The following LIMD1 variants were observed in gnomAD, a reference collection of about 807,000 sequenced individuals.
The protein encoded by LIMD1 is LIM domain-containing protein 1.
In LIMD1, 23 loss-of-function variants were observed where a neutral mutation model predicts 58.4. The ratio of observed to expected loss-of-function variants is 0.39; its 90% CI spans 0.28 to 0.56. The LOEUF is 0.56. LIMD1 is among the 20% of genes least tolerant of loss of function. The pLI is 0.57. For synonymous variants in LIMD1, 334 were observed against 345.5 expected (o/e 0.97, Z 0.37); for missense variants, 838 against 855.5 (o/e 0.98, Z 0.25).
At position 45,677,135 on chromosome 3, in the gene LIMD1, G is replaced by T. The variant is rs1034436709; in HGVS notation, c.*76G>T. ...GCTGCTGCTTCCGGTGGCCCCTGGG[G>T]TGGAAGTGGGGTAGGGGAAGAGGAG... On this transcript the variant is annotated 3_prime_UTR_variant, in exon 8 of 8. Transcript: ENST00000273317. The T allele has an allele frequency of 1.3e-6, 2 of 1,542,966 alleles. No individual in the cohort carries two copies. Among genetic ancestry groups the T allele is most frequent in the African/African-American group, 1.4e-5 (1 of 73,750 alleles).
intron 1 of LIMD1, among the ~76,000 whole-genome samples, chr3:45,624,847 C>T (rs534145430): frequency 6.6e-6 from 1 of 151,864 alleles, no homozygotes; most frequent in African/African-American, 2.4e-5. Context: ...TGTCTTCTAG[C>T]CAACTGTCTT....
chr3:45,602,284 C>A (rs1701422997), intron 1 of LIMD1, among the ~76,000 whole-genome samples: 1 of 152,078 alleles, frequency 6.6e-6, no homozygotes, highest in Admixed American at 6.5e-5. Flanking sequence ...GACCTGAAGC[C>A]CCTGTGCTCA....
chr3:45,596,274 G>A lies in LIMD1; in HGVS notation c.1395G>A (p.Lys465=). 6.2e-7 allele frequency: 1 copy of A among 1,602,238 alleles called. No homozygotes were observed. The highest frequency in any genetic ancestry group is 8.5e-7 in the Non-Finnish European group (1 of 1,174,678). The change falls in exon 1 of 8, where the codon AAG becomes AAA. Residue 465 remains lysine (K), a synonymous_variant. Coordinates refer to ENST00000273317, the MANE Select transcript of LIMD1 (RefSeq NM_014240.3). The part of the protein sequence containing the change: ...RLEREMDAHP[K]ADYFGACVKC... ...AGCGAGAGATGGATGCTCACCCGAA[G>A]GCTGATTACTTTGGTGAGTGAGAGG...
intron 2 of LIMD1, among the ~76,000 whole-genome samples, chr3:45,649,542 A>G (rs764702020): frequency 1.6e-4 from 24 of 151,102 alleles, no homozygotes; most frequent in Non-Finnish European, 2.1e-4. Flanking sequence ...TTAGCCGGGC[A>G]TGGTGGCGGG....
intron 2 of LIMD1, among the ~76,000 whole-genome samples, chr3:45,656,407 T>G (rs1318430175): frequency 1.3e-5 from 2 of 152,044 alleles, no homozygotes; most frequent in Non-Finnish European, 2.9e-5. Flanking sequence ...CTATTTAACT[T>G]TTAGCTACAT....
rs577352855 is a variant in LIMD1 at position 45,654,156 on chromosome 3, C to T, written c.1511-11494C>T. Reference sequence around the variant, plus strand: ...TGGCTAGTAGCCACCATGGACAGTACAGGTAGAAGTCACTAACTGGGACAG... The same window carrying T: ...TGGCTAGTAGCCACCATGGACAGTATAGGTAGAAGTCACTAACTGGGACAG... On this transcript the variant is annotated intron_variant, in intron 2 of 7. Transcript: ENST00000273317. 1.4e-4 allele frequency among the ~76,000 whole-genome samples: 22 copies of T among 152,254 alleles called. 1 individual carries two copies. In the South Asian group the frequency reaches 4.4e-3, roughly 30 times the overall value.
chr3:45,655,070 C>A (rs190063254), intron 2 of LIMD1, among the ~76,000 whole-genome samples: 1 of 152,040 alleles, frequency 6.6e-6, no homozygotes, highest in African/African-American at 2.4e-5. Context: ...CAGGCTCACG[C>A]CACCAGGCCT....
At chr3:45,641,148 A>G (rs1055567630) in intron 2 of LIMD1, among the ~76,000 whole-genome samples, 2 of 152,150 alleles carry the variant, frequency 1.3e-5, no homozygotes, top group African/African-American at 4.8e-5. Flanking sequence ...GGGTGCATCT[A>G]GGGCATCCCC....
rs542189191 is a variant in LIMD1, at chr3:45,637,883, A to G, written c.1510+1632A>G. The stretch of plus-strand genomic sequence containing the variant: ...AGAGTTTATGGTTTACACATTGATC[A>G]GTGTTCACCTGTGTAGGGAAAGACT... On this transcript the variant is annotated intron_variant, in intron 2 of 7. Coordinates refer to ENST00000273317, the MANE Select transcript of LIMD1 (RefSeq NM_014240.3). Among the ~76,000 whole-genome samples the G allele has an allele frequency of 8.5e-5, 13 of 152,332 alleles. No homozygotes were observed. The South Asian group carries it at 2.7e-3, about 32-fold the overall frequency.
chr3:45,663,868 ATTTTT>A (rs553757543), intron 2 of LIMD1, among the ~76,000 whole-genome samples: 1 of 102,894 alleles, frequency 9.7e-6, no homozygotes, highest in African/African-American at 4.3e-5. Context: ...TGCCTGGCTA[ATTTTT>A]TTTTTTTTTT....
chr3:45,654,674 C>T (rs1348874956), intron 2 of LIMD1, among the ~76,000 whole-genome samples: 1 of 151,686 alleles, frequency 6.6e-6, no homozygotes. Flanking sequence ...ACTAAAAATA[C>T]ACACAAAAAA....
At chr3:45,603,744 C>T (rs1037222533) in intron 1 of LIMD1, among the ~76,000 whole-genome samples, 1 of 152,066 alleles carries the variant, frequency 6.6e-6, no homozygotes, top group Non-Finnish European at 1.5e-5. Flanking sequence ...TTCAAGTGAT[C>T]TCCCACCTCA....
chr3:45,659,503 C>G (rs1399981924), intron 2 of LIMD1, among the ~76,000 whole-genome samples: 1 of 152,046 alleles, frequency 6.6e-6, no homozygotes, highest in Non-Finnish European at 1.5e-5. Context: ...TGGGAGGATT[C>G]CTTGAGCCTG....
intron 2 of LIMD1, among the ~76,000 whole-genome samples, chr3:45,657,524 CAAAA>C (rs71617901): frequency 1.5e-4 from 15 of 99,600 alleles, no homozygotes; most frequent in Admixed American, 2.1e-4. Context: ...GACGCTGTCT[CAAAA>C]AAAAAAAAAA....
At chr3:45,628,669 A>G (rs2125656163) in intron 1 of LIMD1, among the ~76,000 whole-genome samples, 1 of 152,348 alleles carries the variant, frequency 6.6e-6, no homozygotes, top group Admixed American at 6.5e-5. Flanking sequence ...CCTTTACTCA[A>G]GAGAAGTGCA....
At chr3:45,620,016 G>C (rs1263756197) in intron 1 of LIMD1, among the ~76,000 whole-genome samples, 1 of 151,982 alleles carries the variant, frequency 6.6e-6, no homozygotes, top group Non-Finnish European at 1.5e-5. Context: ...TGTCGGATGG[G>C]GTATTCTAAA....
intron 1 of LIMD1, among the ~76,000 whole-genome samples, chr3:45,607,576 T>C (rs1206732289): frequency 6.6e-6 from 1 of 152,164 alleles, no homozygotes; most frequent in Non-Finnish European, 1.5e-5. Flanking sequence ...CCTGCCATGA[T>C]GCTGTCATTC....
In LIMD1 at chr3:45,595,549, G is replaced by A; in HGVS notation, c.670G>A (p.Asp224Asn). The A allele has an allele frequency of 1.2e-6, 2 of 1,614,102 alleles. No homozygotes were observed. The highest frequency in any genetic ancestry group is 1.7e-6 in the Non-Finnish European group (2 of 1,180,038). The stretch of plus-strand genomic sequence containing the variant: ...CCCACCACTGCCCAAACCCTGCGGG[G>A]ACCATCCCCTAAATCACCGACAGCT... ...SDPPLPKPCGDHPLNHRQLSL... is the reference protein window; with the variant it reads ...SDPPLPKPCGNHPLNHRQLSL... Residue 224 changes from aspartate (D) to asparagine (N), a missense_variant, in exon 1 of 8, where the codon GAC becomes AAC. Asp to Asn is a conservative substitution (Grantham distance 23). This residue lies in a region of LIMD1 where 659 missense variants were observed against 639.8 expected (regional missense o/e 1.03). Transcript: ENST00000273317.
chr3:45,633,806 T>A (rs1171263562), intron 1 of LIMD1, among the ~76,000 whole-genome samples: 1 of 152,206 alleles, frequency 6.6e-6, no homozygotes. Flanking sequence ...TGGGGGAATT[T>A]CATGAAGGAT....
Sources: allele counts gnomAD v4.1 joint callset (sites outside exome capture counted in the v4.1 genomes callset), GRCh38; gene constraint gnomAD v4.1.1; regional missense constraint gnomAD v4.1.1; transcripts MANE v1.5; gene names NCBI Gene and HGNC (gene_info 2026-07-23, HGNC 2026-07-21).